MACROD2: variants seen among roughly 807,000 people sequenced by gnomAD.
The protein encoded by MACROD2 is ADP-ribose glycohydrolase MACROD2.
MACROD2 carries 36 observed loss-of-function variants against 70.4 expected under a neutral mutation model. The ratio of observed to expected loss-of-function variants is 0.51; its 90% CI spans 0.39 to 0.68. The LOEUF (loss-of-function observed/expected upper bound fraction) is 0.68, where lower values mean the gene tolerates loss of function less well. Among genes scored for constraint, MACROD2 ranks in the 30% least tolerant of loss-of-function variants. The pLI is 0.00. For missense variants in MACROD2, 496 were observed against 538.4 expected, an observed-to-expected ratio of 0.92 and a Z score of 0.78; for synonymous variants, 172 against 178.8, an observed-to-expected ratio of 0.96 and a Z score of 0.30.
intron 8 of MACROD2, among the ~76,000 whole-genome samples, chr20:15,814,595 T>C (rs2063853949): frequency 6.6e-6 from 1 of 152,232 alleles, no homozygotes; most frequent in African/African-American, 2.4e-5. Flanking sequence ...ACTTATATCC[T>C]AGTCTTAACA....
intron 5 of MACROD2, among the ~76,000 whole-genome samples, chr20:15,144,955 G>A (rs892889121): frequency 1.3e-5 from 2 of 152,100 alleles, no homozygotes; most frequent in African/African-American, 4.8e-5. Context: ...AGAACGGGCT[G>A]TATAAATCAG....
At chr20:15,385,732 T>C (rs1252922402) in intron 6 of MACROD2, among the ~76,000 whole-genome samples, 1 of 152,174 alleles carries the variant, frequency 6.6e-6, no homozygotes, top group East Asian at 1.9e-4. Context: ...TAAAGAGAAA[T>C]CCACTCTTAC....
chr20:14,436,271 C>A (rs1208720246), intron 3 of MACROD2, among the ~76,000 whole-genome samples: 2 of 152,176 alleles, frequency 1.3e-5, no homozygotes, highest in African/African-American at 4.8e-5. Context: ...ACCATGATGA[C>A]CCTGATTTCG....
chr20:15,897,327 A>G (rs1447569085), intron 10 of MACROD2, among the ~76,000 whole-genome samples: 2 of 152,116 alleles, frequency 1.3e-5, no homozygotes, highest in African/African-American at 2.4e-5. Flanking sequence ...CTGTTTTGAC[A>G]ATCTACTCAT....
At chr20:15,559,175 C>T (rs1275266661) in intron 8 of MACROD2, among the ~76,000 whole-genome samples, 1 of 132,384 alleles carries the variant, frequency 7.6e-6, no homozygotes, top group Admixed American at 9.2e-5. Context: ...TGCAGTGAGT[C>T]GAGATCGCGC....
At chr20:14,007,157 A>G (rs547379795) in intron 2 of MACROD2, among the ~76,000 whole-genome samples, 1 of 152,066 alleles carries the variant, frequency 6.6e-6, no homozygotes, top group African/African-American at 2.4e-5. Flanking sequence ...TGTGAATTTT[A>G]TCATTCCTTA....
rs1022426512 is a variant in MACROD2 at position 14,021,211 on chromosome 20, G to C, written c.163+18807G>C. On this transcript the variant is annotated intron_variant, in intron 2 of 17. Coordinates refer to ENST00000684519, the MANE Select transcript of MACROD2 (RefSeq NM_001351661.2). ...TCACCGTGTTAGCCAGGATGCTCTC[G>C]ATCTCTTGACCTCGTGATCCGCCTA... Among the ~76,000 whole-genome samples the C allele has an allele frequency of 3.3e-5, 5 of 152,048 alleles. No homozygotes were observed. In the South Asian group the frequency reaches 8.3e-4, roughly 25 times the overall value.
chr20:15,415,274 T>C (rs953914485), intron 6 of MACROD2, among the ~76,000 whole-genome samples: 4 of 152,182 alleles, frequency 2.6e-5, no homozygotes, highest in African/African-American at 9.7e-5. Context: ...GGTGGGGAAA[T>C]TTTGGTCAGT....
In MACROD2 at chr20:15,877,856, C is replaced by A. The variant is rs140788628; in HGVS notation, c.728-7908C>A. ...GGAAGCATGTGAAATAAAACCACAGCAGGATTATCGTAATTGTTCTCCTTG... is the reference window on the plus strand; with the variant it reads ...GGAAGCATGTGAAATAAAACCACAGAAGGATTATCGTAATTGTTCTCCTTG... On this transcript the variant is annotated intron_variant, in intron 9 of 17. Transcript: ENST00000684519. Among the ~76,000 whole-genome samples, 1,305 of 152,208 alleles carry A rather than the reference C, an allele frequency of 8.6e-3. 13 individuals carry two copies. The highest frequency in any genetic ancestry group is 0.031 in the Middle Eastern group (9 of 294).
chr20:14,446,743 A>G (rs530469138), intron 3 of MACROD2, among the ~76,000 whole-genome samples: 15 of 152,122 alleles, frequency 9.9e-5, no homozygotes, highest in Middle Eastern at 6.8e-3. Context: ...CACAGTTCCA[A>G]CTCTCCTAAT....
intron 5 of MACROD2, among the ~76,000 whole-genome samples, chr20:14,913,631 G>A (rs947708378): frequency 1.3e-5 from 2 of 152,160 alleles, no homozygotes; most frequent in East Asian, 3.9e-4. Context: ...AGGCTGTAGT[G>A]TGCTATGATC....
At chr20:14,487,290 C>T (rs1055656300) in intron 3 of MACROD2, among the ~76,000 whole-genome samples, 13 of 152,030 alleles carry the variant, frequency 8.6e-5, no homozygotes, top group African/African-American at 2.9e-4. Flanking sequence ...CTCCTCTCAG[C>T]AAACCTGTAC....
intron 8 of MACROD2, among the ~76,000 whole-genome samples, chr20:15,612,407 A>T (rs2048982287): frequency 6.6e-6 from 1 of 152,228 alleles, no homozygotes; most frequent in African/African-American, 2.4e-5. Context: ...ACTTTGCATA[A>T]TGCACATTAC....
In MACROD2 at chr20:15,977,957, G is replaced by A. The variant is rs551690457; in HGVS notation, c.986-8770G>A. Among the ~76,000 whole-genome samples, 3 of 152,334 alleles carry A rather than the reference G, an allele frequency of 2.0e-5. No homozygotes were observed. The South Asian group carries it at 6.2e-4, about 32-fold the overall frequency. On this transcript the variant is annotated intron_variant, in intron 13 of 17. Transcript: ENST00000684519. Reference sequence around the variant, plus strand: ...AGATCACAGCACTTACTTTCCAGAGGTAATGTGATGATTAGAGATTACGTG... The same window carrying A: ...AGATCACAGCACTTACTTTCCAGAGATAATGTGATGATTAGAGATTACGTG...
At chr20:14,332,705 A>C (rs2082867043) in intron 3 of MACROD2, among the ~76,000 whole-genome samples, 1 of 152,140 alleles carries the variant, frequency 6.6e-6, no homozygotes, top group Non-Finnish European at 1.5e-5. Flanking sequence ...TAGAACTTTT[A>C]ATCCAAGTTA....
intron 8 of MACROD2, among the ~76,000 whole-genome samples, chr20:15,855,788 C>CT (rs1031130583): frequency 7.2e-5 from 11 of 152,116 alleles, no homozygotes; most frequent in Non-Finnish European, 1.3e-4. Context: ...AGTGTGTCCT[C>CT]TTTTTTTTCT....
At chr20:14,272,972 A>T (rs866802118) in intron 3 of MACROD2, among the ~76,000 whole-genome samples, 1 of 151,768 alleles carries the variant, frequency 6.6e-6, no homozygotes, top group South Asian at 2.1e-4. Context: ...CACCCAATAC[A>T]GGAGCACCCA....
At chr20:14,524,908 C>T (rs2085212992) in intron 4 of MACROD2, among the ~76,000 whole-genome samples, 1 of 152,064 alleles carries the variant, frequency 6.6e-6, no homozygotes, top group African/African-American at 2.4e-5. Flanking sequence ...TGCAAGAACT[C>T]GTTCACCACA....
At chr20:14,643,354 T>C (rs1309228758) in intron 4 of MACROD2, among the ~76,000 whole-genome samples, 2 of 152,214 alleles carry the variant, frequency 1.3e-5, no homozygotes, top group African/African-American at 4.8e-5. Flanking sequence ...AGTGGTCATA[T>C]GGCAGATTGT....
Sources: gnomAD v4.1 joint callset for allele counts (sites outside exome capture counted in the v4.1 genomes callset) on GRCh38, gnomAD v4.1.1 for gene constraint, MANE v1.5 for transcripts, NCBI Gene and HGNC (gene_info 2026-07-23, HGNC 2026-07-21) for gene names.